The following DYSF variants were observed in gnomAD, a reference collection of about 807,000 sequenced individuals.
DYSF encodes dysferlin.
Under a neutral mutation model 274.9 loss-of-function variants are expected in DYSF, and 212 were observed. The observed-to-expected ratio is 0.77, with a 90% CI of 0.69 to 0.86. The LOEUF (loss-of-function observed/expected upper bound fraction) is 0.86, where lower values mean the gene tolerates loss of function less well. DYSF is among the 40% of genes least tolerant of loss of function. The probability of loss-of-function intolerance (pLI) is 0.00; values close to 1 mark genes in which losing one functional copy is unlikely to be tolerated. For synonymous variants in DYSF, 1,091 were observed against 1,078.7 expected (o/e 1.01, Z -0.22); for missense variants, 2,666 against 2,783.2 (o/e 0.96, Z 0.95).
chr2:71,671,129 G>C (rs758864304), intron 51 of DYSF, among the ~76,000 whole-genome samples: 1 of 152,298 alleles, frequency 6.6e-6, no homozygotes, highest in East Asian at 1.9e-4. Context: ...ATTAGAGAAA[G>C]CAAAATGTTC....
At chr2:71,488,482 A>G (rs1227814230) in intron 3 of DYSF, among the ~76,000 whole-genome samples, 1 of 152,204 alleles carries the variant, frequency 6.6e-6, no homozygotes, top group African/African-American at 2.4e-5. Flanking sequence ...ACCGGTCCCC[A>G]AGACAGGGGG....
At chr2:71,659,765 G>A (rs936171809) in intron 44 of DYSF, among the ~76,000 whole-genome samples, 2 of 152,226 alleles carry the variant, frequency 1.3e-5, no homozygotes, top group South Asian at 2.1e-4. Flanking sequence ...TGGAGTTATG[G>A]GGAGGTGACA....
chr2:71,551,260 G>A (rs564167916), intron 18 of DYSF, 104 bp downstream of exon 18: 15 of 1,202,072 alleles, frequency 1.2e-5, no homozygotes, highest in East Asian at 2.4e-5. Context: ...GGGGGCCCAC[G>A]ACCTGGCAGC....
intron 44 of DYSF, among the ~76,000 whole-genome samples, chr2:71,659,369 A>C (rs2094835438): frequency 6.6e-6 from 1 of 152,204 alleles, no homozygotes; most frequent in South Asian, 2.1e-4. Flanking sequence ...TTTGAAAGAA[A>C]ATTGCTTAAT....
chr2:71,548,496 G>C (rs1428717289), intron 17 of DYSF, among the ~76,000 whole-genome samples: 1 of 152,230 alleles, frequency 6.6e-6, no homozygotes, highest in African/African-American at 2.4e-5. Context: ...GGGAAGATCA[G>C]ATTTGGGAAG....
At chr2:71,580,868 G>A (rs575284291) in intron 30 of DYSF, among the ~76,000 whole-genome samples, 37 of 152,310 alleles carry the variant, frequency 2.4e-4, no homozygotes, top group African/African-American at 6.3e-4. Flanking sequence ...ATTCGATTGC[G>A]TGTCCATGTG....
At chr2:71,619,688 C>T (rs1284466564) in intron 40 of DYSF, among the ~76,000 whole-genome samples, 3 of 152,336 alleles carry the variant, frequency 2.0e-5, no homozygotes, top group African/African-American at 7.2e-5. Context: ...ACGGGCTGTG[C>T]TTCTTTCTTC....
chr2:71,462,059 A>T (rs2081304153), upstream of DYSF, among the ~76,000 whole-genome samples: 1 of 152,074 alleles, frequency 6.6e-6, no homozygotes, highest in South Asian at 2.1e-4. Flanking sequence ...GGCTGGTAGC[A>T]CCTTTGCCTG....
intron 1 of DYSF, among the ~76,000 whole-genome samples, chr2:71,467,517 G>A (rs2081620389): frequency 6.6e-6 from 1 of 152,200 alleles, no homozygotes; most frequent in African/African-American, 2.4e-5. Context: ...CCTACATGTA[G>A]TGCTTAGAAT....
intron 29 of DYSF, among the ~76,000 whole-genome samples, chr2:71,571,733 ACACACACAGATCACAGTCAG>A (rs2092474424): frequency 3.3e-5 from 4 of 121,966 alleles, no homozygotes; most frequent in Non-Finnish European, 4.8e-5. Flanking sequence ...CACACCCAGC[ACACACACAGATCACAGTCAG>A]CACACACAGA....
rs749549982 is a variant in DYSF, at chr2:71,611,583, G to A, written c.4178G>A (p.Arg1393Gln). ...TVQSCVIRNL[R>Q]KNPNFDICTL... ...CAGTCCTGTGTCATCAGGAACCTCC[G>A]GAAGAACCCCAACTTTGACATCTGC... Residue 1393 changes from arginine (R) to glutamine (Q), a missense_variant, in exon 38 of 56, where the codon CGG (arginine) becomes CAG (glutamine). Coordinates refer to ENST00000410020, the MANE Select transcript of DYSF (RefSeq NM_001130987.2). 25 of 1,613,892 alleles carry A rather than the reference G, an allele frequency of 1.5e-5. No homozygotes were observed. Among genetic ancestry groups the A allele is most frequent in the Middle Eastern group, 1.6e-4 (1 of 6,078 alleles).
intron 42 of DYSF, among the ~76,000 whole-genome samples, chr2:71,653,968 C>T (rs1558736405): frequency 6.6e-6 from 1 of 151,382 alleles, no homozygotes; most frequent in Non-Finnish European, 1.5e-5. Flanking sequence ...ATAACATAAA[C>T]ATAACTGAAA....
intron 21 of DYSF, among the ~76,000 whole-genome samples, chr2:71,555,512 G>C (rs562143887): frequency 2.0e-5 from 3 of 152,196 alleles, no homozygotes; most frequent in Admixed American, 1.3e-4. Context: ...TCTGTGATTA[G>C]AGGTGGCAGG....
rs958601217 is a variant in DYSF, at chr2:71,601,301, G to C, written c.3898-198G>C. 1.1e-5 allele frequency: 8 copies of C among 711,200 alleles called. No homozygotes were observed. The Admixed American group carries it at 1.7e-4, about 15-fold the overall frequency. 44.1% of individuals were successfully genotyped at this position (711,200 alleles called of 1,614,324 possible). A position where few individuals can be genotyped will look rare whatever the true frequency, so the allele number is the denominator to read the frequency against. ...TGATGTGAACCCGAATAAGTAGACT[G>C]AATAGGAGTAGGGCTGCTCTGGGTG... On this transcript the variant is annotated intron_variant, in intron 34 of 55. Transcript: ENST00000410020.
At chr2:71,463,886 T>C (rs1158374430), upstream of DYSF, among the ~76,000 whole-genome samples, 2 of 152,152 alleles carry the variant, frequency 1.3e-5, no homozygotes, top group Non-Finnish European at 2.9e-5. Flanking sequence ...GCAGTCAGGT[T>C]CTGCTAGAAG....
intron 30 of DYSF, among the ~76,000 whole-genome samples, chr2:71,584,166 A>T (rs1389779423): frequency 2.5e-5 from 2 of 78,900 alleles, no homozygotes; most frequent in African/African-American, 1.1e-4. Flanking sequence ...GGGGCTGGGC[A>T]AGAGTGTGTG....
rs2086561090 is a variant in DYSF at position 71,515,483 on chromosome 2, T to C, written c.760-140T>C. The C allele has an allele frequency of 2.4e-6, 3 of 1,244,514 alleles. No individual in the cohort carries two copies. In the South Asian group the frequency reaches 3.9e-5, roughly 16 times the overall value. The allele number at this position is 1,244,514 out of a possible 1,614,324, so 77.1% of individuals were successfully genotyped here. A position where few individuals can be genotyped will look rare whatever the true frequency, so the allele number is the denominator to read the frequency against. On this transcript the variant is annotated intron_variant, in intron 7 of 55. Coordinates refer to ENST00000410020, the MANE Select transcript of DYSF (RefSeq NM_001130987.2). ...GAAAATATGATAGTTCGTATAATGCTCTTCCTAATTCCTTTTTAATACTTT... is the reference window on the plus strand; with the variant it reads ...GAAAATATGATAGTTCGTATAATGCCCTTCCTAATTCCTTTTTAATACTTT...
chr2:71,525,278 G>A (rs1381635041), intron 12 of DYSF, among the ~76,000 whole-genome samples: 1 of 152,148 alleles, frequency 6.6e-6, no homozygotes. Context: ...AGGCTGGAGT[G>A]CAGTGGTGCA....
chr2:71,507,298 C>A (rs2085583702), intron 4 of DYSF, among the ~76,000 whole-genome samples: 1 of 152,186 alleles, frequency 6.6e-6, no homozygotes, highest in African/African-American at 2.4e-5. Context: ...CAAGGGCAGC[C>A]CAGGTGTGGC....
Sources: gnomAD v4.1 joint callset for allele counts (sites outside exome capture counted in the v4.1 genomes callset) on GRCh38, gnomAD v4.1.1 for gene constraint, MANE v1.5 for transcripts, NCBI Gene and HGNC (gene_info 2026-07-23, HGNC 2026-07-21) for gene names.